CA10: variants seen among roughly 807,000 people sequenced by gnomAD.
CA10 encodes the protein carbonic anhydrase 10 (inactive), also known as carbonic anhydrase-related protein 10.
Under a neutral mutation model 44.2 loss-of-function variants are expected in CA10, and 14 were observed. The observed-to-expected ratio is 0.32, with a 90% CI of 0.21 to 0.50. CA10 has a LOEUF of 0.50. Among genes scored for constraint, CA10 ranks in the 20% least tolerant of loss-of-function variants. The pLI, the probability that CA10 is intolerant of heterozygous loss-of-function variation, is 0.99. For synonymous variants in CA10, 159 were observed against 141.6 expected, an observed-to-expected ratio of 1.12 and a Z score of -0.87; for missense variants, 350 against 409.7, an observed-to-expected ratio of 0.85 and a Z score of 1.26.
intron 3 of CA10, among the ~76,000 whole-genome samples, chr17:51,813,651 G>C (rs894930498): frequency 6.6e-6 from 1 of 152,162 alleles, no homozygotes; most frequent in African/African-American, 2.4e-5. Context: ...AGAGAGAGCT[G>C]GAGCTTTAGT....
In CA10 at chr17:52,116,215, C is replaced by T. The variant is rs527512743; in HGVS notation, c.61+41511G>A. Among the ~76,000 whole-genome samples the T allele has an allele frequency of 9.2e-5, 14 of 152,190 alleles. No individual in the cohort carries two copies. In the South Asian group the frequency reaches 2.9e-3, roughly 32 times the overall value. Reference sequence around the variant, plus strand: ...ATTATTATTTTCTTCTTTTTTCACCCTATCAGGAGTTAACTTTTGTGTGAG... The same window carrying T: ...ATTATTATTTTCTTCTTTTTTCACCTTATCAGGAGTTAACTTTTGTGTGAG... On this transcript the variant is annotated intron_variant, in intron 1 of 8. Transcript: ENST00000451037.
At chr17:51,734,954 C>T (rs546498085) in intron 4 of CA10, among the ~76,000 whole-genome samples, 16 of 152,186 alleles carry the variant, frequency 1.1e-4, no homozygotes, top group African/African-American at 3.9e-4. Context: ...TGGCGGAAGG[C>T]AAAAGGGAAA....
At chr17:51,828,895 TTA>T (rs1908129422) in intron 3 of CA10, among the ~76,000 whole-genome samples, 1 of 152,186 alleles carries the variant, frequency 6.6e-6, no homozygotes, top group African/African-American at 2.4e-5. Flanking sequence ...ATATGAAGAG[TTA>T]TGTTAAAATA....
intron 3 of CA10, among the ~76,000 whole-genome samples, chr17:51,788,731 A>G (rs1906393582): frequency 1.3e-5 from 2 of 152,192 alleles, no homozygotes; most frequent in Non-Finnish European, 2.9e-5. Flanking sequence ...GGTTCTTAGA[A>G]GGCAAAAGCA....
At chr17:51,685,768 G>C (rs143535578) in intron 4 of CA10, among the ~76,000 whole-genome samples, 4 of 152,344 alleles carry the variant, frequency 2.6e-5, no homozygotes, top group African/African-American at 7.2e-5. Context: ...GAAGGTTGAA[G>C]AGGCTGGTCC....
intron 3 of CA10, among the ~76,000 whole-genome samples, chr17:51,835,546 A>G (rs1283841497): frequency 2.0e-5 from 3 of 152,248 alleles, no homozygotes; most frequent in Non-Finnish European, 4.4e-5. Flanking sequence ...AAACTAGCAG[A>G]AGGCAAAATG....
intron 3 of CA10, among the ~76,000 whole-genome samples, chr17:51,839,262 G>A (rs1427304052): frequency 6.6e-6 from 1 of 152,296 alleles, no homozygotes; most frequent in African/African-American, 2.4e-5. Flanking sequence ...GGAGTCCAAG[G>A]TGGGCGGATC....
intron 3 of CA10, among the ~76,000 whole-genome samples, chr17:51,863,498 G>T (rs1255170936): frequency 6.6e-6 from 1 of 152,164 alleles, no homozygotes; most frequent in African/African-American, 2.4e-5. Flanking sequence ...TTGCTAGCTA[G>T]ACTCTGAGAT....
At chr17:52,035,114 A>G (rs1360826784) in intron 2 of CA10, among the ~76,000 whole-genome samples, 2 of 152,128 alleles carry the variant, frequency 1.3e-5, no homozygotes, top group African/African-American at 4.8e-5. Context: ...ACAACAGCCC[A>G]AAGTGAGAAA....
At chr17:52,023,408 G>C (rs1171791655) in intron 2 of CA10, among the ~76,000 whole-genome samples, 2 of 152,096 alleles carry the variant, frequency 1.3e-5, no homozygotes, top group African/African-American at 4.8e-5. Context: ...GGGATAACTG[G>C]CTGTGCATAT....
intron 1 of CA10, among the ~76,000 whole-genome samples, chr17:52,125,280 G>C (rs1469421151): frequency 6.6e-6 from 1 of 152,160 alleles, no homozygotes; most frequent in Non-Finnish European, 1.5e-5. Context: ...TGCTACTGTA[G>C]TGTGAAGGAT....
At chr17:51,902,267 A>G (rs1290671844) in intron 3 of CA10, among the ~76,000 whole-genome samples, 1 of 152,116 alleles carries the variant, frequency 6.6e-6, no homozygotes, top group African/African-American at 2.4e-5. Context: ...TCTCTGTTGG[A>G]GGCACCATAG....
At chr17:51,919,444 A>T (rs1012182712) in intron 3 of CA10, among the ~76,000 whole-genome samples, 1 of 152,186 alleles carries the variant, frequency 6.6e-6, no homozygotes, top group African/African-American at 2.4e-5. Context: ...TACCTTTTTA[A>T]CTAATGTAAA....
Position 51,879,092 on chromosome 17 carries a change from T to G in CA10, c.279+51898A>C, listed in dbSNP as rs1051786508. ...TTCCTTTTTATTTTCCATTATAACATGAGAATTTCCCCATGATTCAATTTA... is the reference window on the plus strand; with the variant it reads ...TTCCTTTTTATTTTCCATTATAACAGGAGAATTTCCCCATGATTCAATTTA... On this transcript the variant is annotated intron_variant, in intron 3 of 8. Coordinates refer to ENST00000451037, the MANE Select transcript of CA10 (RefSeq NM_020178.5). Among the ~76,000 whole-genome samples, 23 of 151,754 alleles carry G rather than the reference T, an allele frequency of 1.5e-4. 1 individual carries two copies. The highest frequency in any genetic ancestry group is 5.6e-4 in the African/African-American group (23 of 41,362).
intron 3 of CA10, among the ~76,000 whole-genome samples, chr17:51,845,862 T>C (rs1349795586): frequency 1.3e-5 from 2 of 152,216 alleles, no homozygotes; most frequent in Non-Finnish European, 2.9e-5. Flanking sequence ...TTACCTTAGA[T>C]ATTTCAAACG....
chr17:52,156,894 C>T (rs1027052291), intron 1 of CA10, among the ~76,000 whole-genome samples: 1 of 152,122 alleles, frequency 6.6e-6, no homozygotes, highest in African/African-American at 2.4e-5. Context: ...CCCTTTCCCT[C>T]CCAGCTTCCT....
At chr17:51,682,136 C>CT (rs982823114) in intron 4 of CA10, among the ~76,000 whole-genome samples, 50 of 152,134 alleles carry the variant, frequency 3.3e-4, no homozygotes, top group African/African-American at 1.1e-3. Flanking sequence ...TAGGGACCAC[C>CT]TTTTTTTGCA....
chr17:51,772,024 C>T (rs1210814526), intron 3 of CA10, among the ~76,000 whole-genome samples: 2 of 152,242 alleles, frequency 1.3e-5, no homozygotes, highest in Non-Finnish European at 2.9e-5. Flanking sequence ...CCTGTGATGC[C>T]TCGTGGAGTG....
At chr17:51,701,055 C>A (rs1326112717) in intron 4 of CA10, among the ~76,000 whole-genome samples, 1 of 152,014 alleles carries the variant, frequency 6.6e-6, no homozygotes, top group Non-Finnish European at 1.5e-5. Context: ...ACCCTGTATG[C>A]CCTGCACATG....
Sources: gnomAD v4.1 joint callset for allele counts (sites outside exome capture counted in the v4.1 genomes callset) on GRCh38, gnomAD v4.1.1 for gene constraint, MANE v1.5 for transcripts, NCBI Gene and HGNC (gene_info 2026-07-23, HGNC 2026-07-21) for gene names.